The following GATAD2A variants were observed in gnomAD, a reference collection of about 807,000 sequenced individuals.
GATAD2A encodes transcriptional repressor p66-alpha.
A neutral mutation model predicts 68.5 loss-of-function variants in GATAD2A; 12 were observed. That is an observed-to-expected ratio of 0.18 (90% CI 0.11 to 0.28). The LOEUF (loss-of-function observed/expected upper bound fraction) is 0.28. GATAD2A is among the 10% of genes least tolerant of loss of function. The pLI, the probability that GATAD2A is intolerant of heterozygous loss-of-function variation, is 1.00. For missense variants in GATAD2A, 755 were observed against 868.5 expected (o/e 0.87, Z 1.64); for synonymous variants, 410 against 375.3 (o/e 1.09, Z -1.07).
At chr19:19,461,059 G>T (rs1370065646) in intron 1 of GATAD2A, among the ~76,000 whole-genome samples, 1 of 152,146 alleles carries the variant, frequency 6.6e-6, no homozygotes, top group Non-Finnish European at 1.5e-5. Flanking sequence ...TGTTCCCTCT[G>T]TCTTGTTCAC....
intron 1 of GATAD2A, among the ~76,000 whole-genome samples, chr19:19,413,385 C>T (rs2147145334): frequency 6.6e-6 from 1 of 152,302 alleles, no homozygotes; most frequent in East Asian, 1.9e-4. Flanking sequence ...CTGTGCTGTT[C>T]TCAGGACTTG....
At chr19:19,440,375 ATTC>A (rs1414023290) in intron 1 of GATAD2A, 1 of 195,440 alleles carries the variant, frequency 5.1e-6, no homozygotes, top group Non-Finnish European at 1.0e-5. Context: ...GGTTCATGCC[ATTC>A]TTCTGCCTCA....
Position 19,501,956 on chromosome 19 carries a change from C to T in GATAD2A, c.1504-13C>T. The stretch of plus-strand genomic sequence containing the variant: ...GACCGCACTGACTTTGCTTTCAACC[C>T]CCGTTTGTGTAGGTCATAAAACCCC... On this transcript the variant is annotated splice_polypyrimidine_tract_variant and intron_variant, in intron 9 of 11. Transcript: ENST00000683918. The T allele has an allele frequency of 6.2e-7, 1 of 1,612,440 alleles. No individual in the cohort carries two copies. Among genetic ancestry groups the T allele is most frequent in the South Asian group, 1.1e-5 (1 of 91,056 alleles).
intron 1 of GATAD2A, among the ~76,000 whole-genome samples, chr19:19,424,474 C>G (rs1003788460): frequency 6.6e-6 from 1 of 152,020 alleles, no homozygotes; most frequent in Admixed American, 6.6e-5. Context: ...AAGAGGTCTG[C>G]CCCCCTCAGC....
intron 1 of GATAD2A, among the ~76,000 whole-genome samples, chr19:19,448,904 C>T (rs539246768): frequency 1.3e-5 from 2 of 152,192 alleles, no homozygotes; most frequent in African/African-American, 4.8e-5. Context: ...TCGTGTTACC[C>T]GGAAGGGCCC....
rs534159080 is a variant in GATAD2A at position 19,446,311 on chromosome 19, A to C, written c.-6-19029A>C. Among the ~76,000 whole-genome samples, 5 of 152,194 alleles carry C rather than the reference A, an allele frequency of 3.3e-5. No individual in the cohort carries two copies. In the East Asian group the frequency reaches 9.7e-4, roughly 29 times the overall value. ...GAGACAGAGTCTTTTTCACATGCTC[A>C]TTGGTGATTCGTCTCTCTTCTTTGG... On this transcript the variant is annotated intron_variant, in intron 1 of 11. Coordinates refer to ENST00000683918, the MANE Select transcript of GATAD2A (RefSeq NM_001384528.1).
At chr19:19,401,760 A>C (rs1422152339), upstream of GATAD2A, among the ~76,000 whole-genome samples, 1 of 151,958 alleles carries the variant, frequency 6.6e-6, no homozygotes, top group Non-Finnish European at 1.5e-5. Flanking sequence ...AAGAAAAAGG[A>C]CAGTACCTTG....
At chr19:19,497,990 G>A (rs527851353) in intron 7 of GATAD2A, among the ~76,000 whole-genome samples, 2 of 152,264 alleles carry the variant, frequency 1.3e-5, no homozygotes, top group South Asian at 2.1e-4. Flanking sequence ...AGCATCCCAG[G>A]GGAGCACATG....
intron 2 of GATAD2A, among the ~76,000 whole-genome samples, chr19:19,474,779 A>G (rs1433872552): frequency 6.6e-6 from 1 of 152,242 alleles, no homozygotes; most frequent in African/African-American, 2.4e-5. Context: ...CTTTTCCCCC[A>G]AAATGGTCTG....
At chr19:19,387,094 C>T (rs892402493) in intron 1 of GATAD2A, among the ~76,000 whole-genome samples, 5 of 152,096 alleles carry the variant, frequency 3.3e-5, no homozygotes, top group African/African-American at 4.8e-5. Context: ...CCTGGCCTCT[C>T]TAAGACCCTA....
intron 1 of GATAD2A, among the ~76,000 whole-genome samples, chr19:19,398,860 A>G (rs1342985413): frequency 6.6e-6 from 1 of 151,820 alleles, no homozygotes; most frequent in African/African-American, 2.4e-5. Flanking sequence ...GGAGTTTAAG[A>G]CCAGCCTGGC....
intron 1 of GATAD2A, among the ~76,000 whole-genome samples, chr19:19,441,928 C>A (rs2055145626): frequency 1.3e-5 from 2 of 152,038 alleles, no homozygotes; most frequent in East Asian, 2.0e-4. Flanking sequence ...ATGGCACGAT[C>A]TCGGCTCACC....
At chr19:19,419,863 G>T (rs1457127925) in intron 1 of GATAD2A, among the ~76,000 whole-genome samples, 1 of 152,046 alleles carries the variant, frequency 6.6e-6, no homozygotes, top group Non-Finnish European at 1.5e-5. Flanking sequence ...CCTTGGGAAG[G>T]ATCCAGTCCT....
intron 9 of GATAD2A, 117 bp from the exon 10 acceptor site, chr19:19,501,852 C>T: frequency 1.4e-6 from 1 of 732,916 alleles, no homozygotes; most frequent in Non-Finnish European, 2.3e-6. Context: ...TTCTCAAGAT[C>T]CCCACTTGGC....
chr19:19,482,359 G>A (rs1163590361), intron 2 of GATAD2A, among the ~76,000 whole-genome samples: 6 of 152,136 alleles, frequency 3.9e-5, no homozygotes, highest in Admixed American at 2.0e-4. Context: ...AGCCAAGATC[G>A]CGCCACTGCA....
intron 1 of GATAD2A, among the ~76,000 whole-genome samples, chr19:19,442,083 ACTCCAAC>A (rs1483302122): frequency 1.4e-5 from 2 of 147,554 alleles, no homozygotes; most frequent in African/African-American, 5.0e-5. Flanking sequence ...CTGGTCTCAA[ACTCCAAC>A]CTCAGGTGAT....
At chr19:19,480,017 G>C (rs2058948116) in intron 2 of GATAD2A, among the ~76,000 whole-genome samples, 1 of 151,792 alleles carries the variant, frequency 6.6e-6, no homozygotes, top group Non-Finnish European at 1.5e-5. Flanking sequence ...AAGTTGGCTA[G>C]GCTGGTCTCA....
intron 1 of GATAD2A, among the ~76,000 whole-genome samples, chr19:19,419,509 T>C (rs1019743739): frequency 7.3e-6 from 1 of 137,160 alleles, no homozygotes; most frequent in Non-Finnish European, 1.6e-5. Context: ...GATCTCTACA[T>C]CTTTTTTTTT....
intron 1 of GATAD2A, among the ~76,000 whole-genome samples, chr19:19,395,276 G>A (rs192343637): frequency 2.0e-5 from 3 of 152,224 alleles, no homozygotes; most frequent in Non-Finnish European, 2.9e-5. Context: ...CCAACATGGC[G>A]AAACCCCGTC....
Sources: allele counts gnomAD v4.1 joint callset (sites outside exome capture counted in the v4.1 genomes callset), GRCh38; gene constraint gnomAD v4.1.1; transcripts MANE v1.5; gene names NCBI Gene and HGNC (gene_info 2026-07-23, HGNC 2026-07-21).